SLC25A26: variants seen among roughly 807,000 people sequenced by gnomAD.
SLC25A26 encodes mitochondrial S-adenosylmethionine carrier protein.
SLC25A26 carries 36 observed loss-of-function variants against 37.8 expected under a neutral mutation model. The ratio of observed to expected loss-of-function variants is 0.95; its 90% CI spans 0.73 to 1.26. The LOEUF is 1.26. SLC25A26 is among the 50% of genes most tolerant of loss of function. The pLI is 0.00. For missense variants in SLC25A26, 390 were observed against 331.1 expected (o/e 1.18, Z -1.38); for synonymous variants, 129 against 122.5 (o/e 1.05, Z -0.35).
At chr3:66,362,756 A>T (rs1206961582) in intron 6 of SLC25A26, 104 bp from the exon 7 acceptor site, 5 of 662,802 alleles carry the variant, frequency 7.5e-6, no homozygotes, top group Non-Finnish European at 1.2e-5. Context: ...AATGCCACCA[A>T]AATAGCTTCT....
At chr3:66,135,089 G>A (rs28685684) in intron 1 of SLC25A26, among the ~76,000 whole-genome samples, 1 of 151,836 alleles carries the variant, frequency 6.6e-6, no homozygotes, top group Non-Finnish European at 1.5e-5. Flanking sequence ...CTTTGGCCTC[G>A]CAAAGAGCTG....
intron 5 of SLC25A26, among the ~76,000 whole-genome samples, chr3:66,292,748 T>C (rs909550665): frequency 1.3e-5 from 2 of 152,146 alleles, no homozygotes; most frequent in African/African-American, 2.4e-5. Flanking sequence ...TTTCAACCTT[T>C]GTGAATCTTG....
intron 5 of SLC25A26, among the ~76,000 whole-genome samples, chr3:66,329,368 T>A (rs1367687173): frequency 6.6e-6 from 1 of 152,238 alleles, no homozygotes; most frequent in Non-Finnish European, 1.5e-5. Flanking sequence ...TAGAAAGTCA[T>A]TCAAATTTTA....
intron 8 of SLC25A26, 92 bp from the exon 9 acceptor site, chr3:66,370,437 A>C (rs1246719575): frequency 2.0e-6 from 2 of 1,002,908 alleles, no homozygotes; most frequent in Non-Finnish European, 3.1e-6. Flanking sequence ...GATGAGGGTG[A>C]CGGGGAGCTG....
intron 1 of SLC25A26, 112 bp downstream of exon 1, chr3:66,221,239 G>A: frequency 8.4e-7 from 1 of 1,190,994 alleles, no homozygotes; most frequent in South Asian, 1.6e-5. Context: ...GACTGTCCTC[G>A]GGTTACTGGC....
chr3:66,278,231 A>G (rs2074221808), intron 5 of SLC25A26, among the ~76,000 whole-genome samples: 1 of 152,174 alleles, frequency 6.6e-6, no homozygotes, highest in African/African-American at 2.4e-5. Flanking sequence ...CCACATTTGG[A>G]CATTGTATGA....
chr3:66,338,525 G>C (rs1030659109), intron 5 of SLC25A26, among the ~76,000 whole-genome samples: 25 of 151,924 alleles, frequency 1.6e-4, no homozygotes, highest in Admixed American at 1.4e-3. Flanking sequence ...TTTTTATATC[G>C]TGGTAAAATT....
At chr3:66,241,531 C>T (rs1251786816) in intron 2 of SLC25A26, among the ~76,000 whole-genome samples, 1 of 152,056 alleles carries the variant, frequency 6.6e-6, no homozygotes, top group East Asian at 1.9e-4. Flanking sequence ...TACATTCTTC[C>T]CTCGGGAGTT....
chr3:66,258,746 A>T (rs2073403989), intron 3 of SLC25A26, among the ~76,000 whole-genome samples: 1 of 151,980 alleles, frequency 6.6e-6, no homozygotes, highest in African/African-American at 2.4e-5. Context: ...CCTACTCAGG[A>T]GGCCAAGGTG....
intron 5 of SLC25A26, among the ~76,000 whole-genome samples, chr3:66,295,461 T>C (rs1440812156): frequency 6.9e-6 from 1 of 144,620 alleles, no homozygotes; most frequent in Non-Finnish European, 1.5e-5. Context: ...TGGAGAGCAG[T>C]GGTACGATCG....
At chr3:66,273,943 TCAGTC>T (rs2074042700) in intron 5 of SLC25A26, among the ~76,000 whole-genome samples, 1 of 152,090 alleles carries the variant, frequency 6.6e-6, no homozygotes, top group Non-Finnish European at 1.5e-5. Context: ...CATCGCCAAG[TCAGTC>T]CTAAGCCAAA....
chr3:66,203,669 G>GA (rs1268342987), intron 1 of SLC25A26, among the ~76,000 whole-genome samples: 1 of 152,108 alleles, frequency 6.6e-6, no homozygotes, highest in East Asian at 1.9e-4. Context: ...TATGTCTAGA[G>GA]AAAAAAAGAA....
At chr3:66,219,310 A>G (rs1025076980), upstream of SLC25A26, among the ~76,000 whole-genome samples, 3 of 152,180 alleles carry the variant, frequency 2.0e-5, no homozygotes, top group Non-Finnish European at 2.9e-5. Context: ...CACCCCACTG[A>G]TTGTGAGCAG....
chr3:66,262,058 G>A lies in SLC25A26; in HGVS notation c.308G>A (p.Cys103Tyr), dbSNP rs762022801. Residue 103 changes from cysteine to tyrosine, a missense_variant, in exon 4 of 10, where the codon TGC becomes TAC. Transcript: ENST00000354883. ...LAASAGEVVA[C>Y]LIRVPSEVVK... ...ATCAAATTTGTCTTTTAGGTTGCCT[G>A]CCTGATTCGAGTTCCATCTGAAGTG... is the stretch of plus-strand genomic sequence containing the variant. 3 of 1,570,500 alleles carry A rather than the reference G, an allele frequency of 1.9e-6. No individual in the cohort carries two copies. Among genetic ancestry groups the A allele is most frequent in the Non-Finnish European group, 2.6e-6 (3 of 1,156,328 alleles).
chr3:66,139,458 C>T (rs1349664576), intron 1 of SLC25A26, among the ~76,000 whole-genome samples: 2 of 152,182 alleles, frequency 1.3e-5, no homozygotes, highest in African/African-American at 4.8e-5. Context: ...TTAGCTCCCC[C>T]CTATCAGGAG....
intron 2 of SLC25A26, among the ~76,000 whole-genome samples, chr3:66,237,355 A>G (rs2072343218): frequency 1.3e-5 from 2 of 152,258 alleles, no homozygotes; most frequent in Non-Finnish European, 2.9e-5. Context: ...AAAAATACTG[A>G]TGTCCTGTGT....
At chr3:66,280,456 C>T (rs2074298777) in intron 5 of SLC25A26, among the ~76,000 whole-genome samples, 1 of 152,144 alleles carries the variant, frequency 6.6e-6, no homozygotes, top group South Asian at 2.1e-4. Flanking sequence ...TATATGCTAA[C>T]AGACATTTCT....
chr3:66,175,125 A>G (rs1454858924), intron 1 of SLC25A26, among the ~76,000 whole-genome samples: 1 of 91,456 alleles, frequency 1.1e-5, no homozygotes, highest in Non-Finnish European at 2.3e-5. Context: ...ATATATATAT[A>G]TATATATATA....
At chr3:66,333,262 C>A (rs1328850548) in intron 5 of SLC25A26, among the ~76,000 whole-genome samples, 1 of 152,146 alleles carries the variant, frequency 6.6e-6, no homozygotes, top group Non-Finnish European at 1.5e-5. Context: ...GTCTTTTCAT[C>A]TTTCTTCAGC....
Sources: gnomAD v4.1 joint callset for allele counts (sites outside exome capture counted in the v4.1 genomes callset) on GRCh38, gnomAD v4.1.1 for gene constraint, MANE v1.5 for transcripts, NCBI Gene and HGNC (gene_info 2026-07-23, HGNC 2026-07-21) for gene names.